The following ZMAT4 variants were observed in gnomAD, a reference collection of about 807,000 sequenced individuals.
ZMAT4 encodes the protein zinc finger matrin-type 4.
Under a neutral mutation model 28.7 loss-of-function variants are expected in ZMAT4, and 17 were observed. The ratio of observed to expected loss-of-function variants is 0.59; its 90% CI spans 0.41 to 0.89. ZMAT4 has a LOEUF of 0.89. Among genes scored for constraint, ZMAT4 ranks in the 40% least tolerant of loss-of-function variants. The pLI is 0.00. For synonymous variants in ZMAT4, 117 were observed against 109.2 expected, an observed-to-expected ratio of 1.07 and a Z score of -0.44; for missense variants, 240 against 283.8, an observed-to-expected ratio of 0.85 and a Z score of 1.11.
chr8:40,666,021 G>C (rs954788638), intron 5 of ZMAT4, among the ~76,000 whole-genome samples: 1 of 152,066 alleles, frequency 6.6e-6, no homozygotes, highest in African/African-American at 2.4e-5. Context: ...TAAAATAACT[G>C]TGCATTTTTC....
chr8:40,594,783 G>T (rs930018568), intron 5 of ZMAT4, among the ~76,000 whole-genome samples: 1 of 152,170 alleles, frequency 6.6e-6, no homozygotes, highest in Non-Finnish European at 1.5e-5. Context: ...ATTCTGGCAG[G>T]CTGCCTTCTC....
chr8:40,704,113 C>T (rs1186778268), intron 3 of ZMAT4, among the ~76,000 whole-genome samples: 2 of 152,228 alleles, frequency 1.3e-5, no homozygotes, highest in Non-Finnish European at 2.9e-5. Context: ...GAAATAACTG[C>T]ACCTCTCAGC....
intron 1 of ZMAT4, among the ~76,000 whole-genome samples, chr8:40,886,588 T>A (rs554055628): frequency 6.6e-6 from 1 of 152,288 alleles, no homozygotes; most frequent in East Asian, 1.9e-4. Context: ...TTAGGTTCTA[T>A]TTCTTTCTTT....
chr8:40,815,723 AG>A (rs1324327934), intron 2 of ZMAT4, among the ~76,000 whole-genome samples: 3 of 152,250 alleles, frequency 2.0e-5, no homozygotes, highest in African/African-American at 7.2e-5. Context: ...CTTGGCACAC[AG>A]GCTCCAAGTT....
chr8:40,744,965 C>CTGT (rs1261225390), intron 3 of ZMAT4, among the ~76,000 whole-genome samples: 2 of 152,198 alleles, frequency 1.3e-5, no homozygotes, highest in Non-Finnish European at 2.9e-5. Flanking sequence ...AAAGGCAATT[C>CTGT]TGTTAGCACA....
chr8:40,634,802 G>T (rs1161434284), intron 5 of ZMAT4, among the ~76,000 whole-genome samples: 3 of 152,088 alleles, frequency 2.0e-5, no homozygotes, highest in Admixed American at 2.0e-4. Flanking sequence ...GTGTATAAAA[G>T]CGTCTAAAGA....
At chr8:40,710,131 G>C (rs918955987) in intron 3 of ZMAT4, among the ~76,000 whole-genome samples, 3 of 151,914 alleles carry the variant, frequency 2.0e-5, no homozygotes, top group African/African-American at 7.3e-5. Context: ...AGAACCAATG[G>C]GGATAAAGTA....
chr8:40,858,465 T>C (rs1817374801), intron 1 of ZMAT4, among the ~76,000 whole-genome samples: 1 of 152,186 alleles, frequency 6.6e-6, no homozygotes, highest in Admixed American at 6.5e-5. Context: ...TCCTTCTGGA[T>C]CCTAAGATTG....
intron 2 of ZMAT4, among the ~76,000 whole-genome samples, chr8:40,792,258 A>T (rs893183586): frequency 6.6e-6 from 1 of 151,888 alleles, no homozygotes; most frequent in Non-Finnish European, 1.5e-5. Flanking sequence ...CATATGGTTC[A>T]ACCTTATTTC....
chr8:40,758,619 A>C (rs4341150), intron 3 of ZMAT4, among the ~76,000 whole-genome samples: 18,938 of 152,168 alleles, frequency 0.12, 1,670 homozygotes, highest in East Asian at 0.38. Flanking sequence ...ACAGCACACA[A>C]AAAAATTACT....
intron 5 of ZMAT4, among the ~76,000 whole-genome samples, chr8:40,603,477 T>C (rs181497052): frequency 6.6e-6 from 1 of 152,352 alleles, no homozygotes; most frequent in East Asian, 1.9e-4. Context: ...TGATGGTATT[T>C]TGAAGGAAAT....
At chr8:40,734,149 G>A (rs1811657032) in intron 3 of ZMAT4, among the ~76,000 whole-genome samples, 1 of 152,188 alleles carries the variant, frequency 6.6e-6, no homozygotes, top group African/African-American at 2.4e-5. Flanking sequence ...GCTGGACATG[G>A]CAGTTATTTC....
intron 5 of ZMAT4, among the ~76,000 whole-genome samples, chr8:40,651,608 C>G (rs1009565921): frequency 6.7e-6 from 1 of 148,744 alleles, no homozygotes; most frequent in African/African-American, 2.5e-5. Context: ...AAAAAAGAGC[C>G]CGCATCGCCA....
intron 3 of ZMAT4, among the ~76,000 whole-genome samples, chr8:40,698,666 G>T (rs1043013054): frequency 3.3e-5 from 5 of 152,236 alleles, no homozygotes; most frequent in Non-Finnish European, 7.3e-5. Flanking sequence ...GACTGCTAGA[G>T]AGAGTGTTGC....
At chr8:40,580,294 G>C (rs1804417780) in intron 6 of ZMAT4, among the ~76,000 whole-genome samples, 1 of 152,064 alleles carries the variant, frequency 6.6e-6, no homozygotes, top group Non-Finnish European at 1.5e-5. Context: ...CTACAGGCAT[G>C]AGCCACCGCA....
intron 4 of ZMAT4, among the ~76,000 whole-genome samples, chr8:40,675,992 C>A (rs1381005182): frequency 6.6e-6 from 1 of 151,964 alleles, no homozygotes; most frequent in Admixed American, 6.6e-5. Flanking sequence ...AACAAACAAA[C>A]AAAAAAGAGC....
intron 3 of ZMAT4, among the ~76,000 whole-genome samples, chr8:40,742,685 G>A (rs1298232106): frequency 6.6e-6 from 1 of 150,480 alleles, no homozygotes; most frequent in Non-Finnish European, 1.5e-5. Context: ...TATTTCAGTG[G>A]GTGTTATCTC....
chr8:40,736,860 C>T (rs2150531102), intron 3 of ZMAT4, among the ~76,000 whole-genome samples: 1 of 152,212 alleles, frequency 6.6e-6, no homozygotes, highest in South Asian at 2.1e-4. Context: ...ACGAGGTACT[C>T]ATGGACTGAA....
At chr8:40,585,222 C>T (rs1479048519) in intron 5 of ZMAT4, among the ~76,000 whole-genome samples, 1 of 152,074 alleles carries the variant, frequency 6.6e-6, no homozygotes, top group Non-Finnish European at 1.5e-5. Flanking sequence ...GAGAAAAGAA[C>T]AATGAAACCA....
Sources: allele counts gnomAD v4.1 joint callset (sites outside exome capture counted in the v4.1 genomes callset), GRCh38; gene constraint gnomAD v4.1.1; transcripts MANE v1.5; gene names NCBI Gene and HGNC (gene_info 2026-07-23, HGNC 2026-07-21).